Variants in REL observed in about 807,000 individuals in gnomAD.
REL encodes the protein REL proto-oncogene, NF-kB subunit.
Under a neutral mutation model 45.9 loss-of-function variants are expected in REL, and 15 were observed. The observed-to-expected ratio is 0.33, with a 90% CI of 0.22 to 0.50. REL has a LOEUF of 0.50. Among genes scored for constraint, REL ranks in the 20% least tolerant of loss-of-function variants. The pLI, the probability that REL is intolerant of heterozygous loss-of-function variation, is 0.98. For missense variants in REL, 601 were observed against 715.2 expected (o/e 0.84, Z 1.82); for synonymous variants, 239 against 242.1 (o/e 0.99, Z 0.12).
chr2:60,921,692 A>G (rs983960848), intron 9 of REL, 71 bp from the exon 10 acceptor site: 7 of 1,359,390 alleles, frequency 5.1e-6, no homozygotes, highest in Admixed American at 2.2e-5. Context: ...TGCTTATGCA[A>G]TTTTAATTTA....
rs1294508609 is a variant in REL, at chr2:60,928,497, CAG to C, written c.*5965_*5966del. On this transcript the variant is annotated 3_prime_UTR_variant, in exon 10 of 10. Transcript: ENST00000394479. ...AGAGATATAGATCACTGGAACAGAA[CAG>C]AGCCCTCAGAAATAACGCCGCATAT... 2.0e-5 allele frequency: 3 copies of C among 149,236 alleles called. No individual in the cohort carries two copies. Among genetic ancestry groups the C allele is most frequent in the Non-Finnish European group, 4.5e-5 (3 of 67,330 alleles). 9.2% of individuals were successfully genotyped at this position (149,236 alleles called of 1,614,324 possible).
rs1275896190 is a variant in REL at position 60,922,833 on chromosome 2, C to G, written c.*298C>G. On this transcript the variant is annotated 3_prime_UTR_variant, in exon 10 of 10. Coordinates refer to ENST00000394479, the MANE Select transcript of REL (RefSeq NM_001291746.2). ...CCAAGGCGGGTGGATCACTTGAGAC[C>G]AGGAATTCGAGACCAGCCTGGCCAA... 1 of 633,310 alleles carries G rather than the reference C, an allele frequency of 1.6e-6. No individual in the cohort carries two copies. The highest frequency in any genetic ancestry group is 2.0e-6 in the Non-Finnish European group (1 of 497,578). 39.2% of individuals were successfully genotyped at this position (633,310 alleles called of 1,614,324 possible). A position where few individuals can be genotyped will look rare whatever the true frequency, so the allele number is the denominator to read the frequency against.
intron 4 of REL, among the ~76,000 whole-genome samples, chr2:60,909,086 T>C (rs1673735242): frequency 6.6e-6 from 1 of 152,218 alleles, no homozygotes; most frequent in Non-Finnish European, 1.5e-5. Context: ...TTGCTTTCAG[T>C]ATTCCTTGAG....
rs1283848793 is a variant in REL, at chr2:60,931,570, T to TA, written c.*9036dup. The TA allele has an allele frequency of 2.0e-5, 3 of 152,246 alleles. No individual in the cohort carries two copies. Among genetic ancestry groups the TA allele is most frequent in the African/African-American group, 7.2e-5 (3 of 41,454 alleles). 9.4% of individuals were successfully genotyped at this position (152,246 alleles called of 1,614,324 possible). On this transcript the variant is annotated 3_prime_UTR_variant, in exon 10 of 10. Transcript: ENST00000394479. ...ATTACATTTGCAATATCTTTGTATA[T>TA]AGTGATTTTTTTCTTGATAATAAAT...
At chr2:60,905,292 C>T (rs1673612345) in intron 4 of REL, among the ~76,000 whole-genome samples, 2 of 152,086 alleles carry the variant, frequency 1.3e-5, no homozygotes, top group African/African-American at 2.4e-5. Flanking sequence ...GATGGGGTTT[C>T]ATCGTGTTAG....
intron 4 of REL, among the ~76,000 whole-genome samples, chr2:60,904,435 G>T (rs1309986316): frequency 6.6e-6 from 1 of 151,588 alleles, no homozygotes; most frequent in Non-Finnish European, 1.5e-5. Flanking sequence ...GCCGGGCGTG[G>T]TGGCGCACAC....
At position 60,919,382 on chromosome 2, in the gene REL, G is replaced by A. The variant is rs564175457; in HGVS notation, c.854-659G>A. On this transcript the variant is annotated intron_variant, in intron 7 of 9. Coordinates refer to ENST00000394479, the MANE Select transcript of REL (RefSeq NM_001291746.2). ...CGTGAGTACCTGGGACTATAGGTGC[G>A]CACCACCACACTTGGCTAATTTTTG... Among the ~76,000 whole-genome samples, 16 of 151,824 alleles carry A rather than the reference G, an allele frequency of 1.1e-4. No homozygotes were observed. In the East Asian group the frequency reaches 1.9e-3, roughly 18 times the overall value.
In REL at chr2:60,923,887, C is replaced by G; in HGVS notation, c.*1352C>G. Reference sequence around the variant, plus strand: ...AGTCAACTCATACCATTCATCTGCTCAAAACCATTCATTGGCTTCTCATCT... The same window carrying G: ...AGTCAACTCATACCATTCATCTGCTGAAAACCATTCATTGGCTTCTCATCT... On this transcript the variant is annotated 3_prime_UTR_variant, in exon 10 of 10. Coordinates refer to ENST00000394479, the MANE Select transcript of REL (RefSeq NM_001291746.2). The G allele has an allele frequency of 4.3e-6, 1 of 232,958 alleles. No homozygotes were observed. The highest frequency in any genetic ancestry group is 8.5e-6 in the Non-Finnish European group (1 of 117,858). The allele number at this position is 232,958 out of a possible 1,614,324, so 14.4% of individuals were successfully genotyped here.
intron 3 of REL, chr2:60,900,748 C>G (rs867667965): frequency 1.8e-5 from 7 of 391,344 alleles, no homozygotes; most frequent in Admixed American, 5.2e-5. Context: ...GTCTGGAACT[C>G]CTGACCTCAG....
chr2:60,919,411 GGTTTTTTTGTTTTTTT>G (rs540036957), intron 7 of REL, among the ~76,000 whole-genome samples: 1 of 151,026 alleles, frequency 6.6e-6, no homozygotes, highest in East Asian at 2.0e-4. Flanking sequence ...ATTTTTGTGG[GGTTTTTTTGTTTTTTT>G]GTTTTTTTGT....
At chr2:60,897,171 T>G (rs1673371496) in intron 3 of REL, among the ~76,000 whole-genome samples, 1 of 152,216 alleles carries the variant, frequency 6.6e-6, no homozygotes, top group Admixed American at 6.5e-5. Context: ...ATTTTCAAAT[T>G]GACCCAGATT....
chr2:60,882,809 C>T (rs896904425), intron 1 of REL, among the ~76,000 whole-genome samples: 1 of 152,272 alleles, frequency 6.6e-6, no homozygotes, highest in South Asian at 2.1e-4. Context: ...AATATCCGAG[C>T]TTTAAAATAA....
rs1002203869 is a variant in REL, at chr2:60,881,622, A to G, written c.-219A>G. On this transcript the variant is annotated 5_prime_UTR_variant, in exon 1 of 10. Transcript: ENST00000394479. The stretch of plus-strand genomic sequence containing the variant: ...CCTGCCCCTGGCTCCCGTACGGTGG[A>G]CGGCGACGCTGGGTGACCCGGGGTG... The G allele has an allele frequency of 1.9e-6, 1 of 518,854 alleles. No homozygotes were observed. Among genetic ancestry groups the G allele is most frequent in the Non-Finnish European group, 3.4e-6 (1 of 292,374 alleles). 32.1% of individuals were successfully genotyped at this position (518,854 alleles called of 1,614,324 possible).
rs929578447 is a variant in REL, at chr2:60,926,522, A to G, written c.*3987A>G. On this transcript the variant is annotated 3_prime_UTR_variant, in exon 10 of 10. Coordinates refer to ENST00000394479, the MANE Select transcript of REL (RefSeq NM_001291746.2). ...CTCTGGGTTTTCTGTGGTAGTCAAG[A>G]TTCCTCCCTGAGATTTATTTCCCAT... 4.3e-6 allele frequency: 1 copy of G among 231,740 alleles called. No individual in the cohort carries two copies. Among genetic ancestry groups the G allele is most frequent in the Non-Finnish European group, 8.5e-6 (1 of 117,250 alleles). The allele number at this position is 231,740 out of a possible 1,614,324, so 14.4% of individuals were successfully genotyped here. A position where few individuals can be genotyped will look rare whatever the true frequency, so the allele number is the denominator to read the frequency against.
chr2:60,923,984 C>G lies in REL; in HGVS notation c.*1449C>G, dbSNP rs754938470. The G allele has an allele frequency of 8.1e-5, 19 of 233,230 alleles. No homozygotes were observed. Among genetic ancestry groups the G allele is most frequent in the Non-Finnish European group, 1.5e-4 (18 of 118,100 alleles). The allele number at this position is 233,230 out of a possible 1,614,324, so 14.4% of individuals were successfully genotyped here. On this transcript the variant is annotated 3_prime_UTR_variant, in exon 10 of 10. Transcript: ENST00000394479. ...TGTCCTACCTCAGGTACCACCATATCCCACCTCCTCATGCAGCTCCAGGCA... is the reference window on the plus strand; with the variant it reads ...TGTCCTACCTCAGGTACCACCATATGCCACCTCCTCATGCAGCTCCAGGCA...
In REL at chr2:60,927,405, C is replaced by A. The variant is rs144224094; in HGVS notation, c.*4870C>A. ...CACACACACGCACACATACCACAGCCCTTTGAGACTGAAAGCAGCTCTATT... is the reference window on the plus strand; with the variant it reads ...CACACACACGCACACATACCACAGCACTTTGAGACTGAAAGCAGCTCTATT... On this transcript the variant is annotated 3_prime_UTR_variant, in exon 10 of 10. Coordinates refer to ENST00000394479, the MANE Select transcript of REL (RefSeq NM_001291746.2). 1.3e-5 allele frequency: 3 copies of A among 231,802 alleles called. No individual in the cohort carries two copies. Among genetic ancestry groups the A allele is most frequent in the African/African-American group, 6.6e-5 (3 of 45,380 alleles). 14.4% of individuals were successfully genotyped at this position (231,802 alleles called of 1,614,324 possible). A position where few individuals can be genotyped will look rare whatever the true frequency, so the allele number is the denominator to read the frequency against.
chr2:60,907,395 C>T (rs1364340130), intron 4 of REL, among the ~76,000 whole-genome samples: 2 of 151,822 alleles, frequency 1.3e-5, no homozygotes, highest in East Asian at 3.9e-4. Context: ...GCCTGTAATC[C>T]CAGCCCTTGG....
At chr2:60,890,843 C>T (rs1673191452) in intron 1 of REL, among the ~76,000 whole-genome samples, 1 of 152,130 alleles carries the variant, frequency 6.6e-6, no homozygotes, top group African/African-American at 2.4e-5. Flanking sequence ...TGCTATCGTT[C>T]ATTGTATATT....
intron 3 of REL, among the ~76,000 whole-genome samples, chr2:60,898,436 C>G (rs146606312): frequency 6.6e-6 from 1 of 152,298 alleles, no homozygotes; most frequent in Non-Finnish European, 1.5e-5. Flanking sequence ...TTCCACTGCT[C>G]TTTTCTAGGG....
Sources: gnomAD v4.1 joint callset for allele counts (sites outside exome capture counted in the v4.1 genomes callset) on GRCh38, gnomAD v4.1.1 for gene constraint, MANE v1.5 for transcripts, NCBI Gene and HGNC (gene_info 2026-07-23, HGNC 2026-07-21) for gene names.